Variants in SPTB observed in about 807,000 individuals in gnomAD.
SPTB encodes the protein spectrin beta, erythrocytic.
In SPTB, 45 loss-of-function variants were observed where a neutral mutation model predicts 256.2. That is an observed-to-expected ratio of 0.18 (90% CI 0.14 to 0.23). The LOEUF (loss-of-function observed/expected upper bound fraction) is 0.23. Among genes scored for constraint, SPTB ranks in the 10% least tolerant of loss-of-function variants. SPTB has a pLI of 1.00. For missense variants in SPTB, 2,715 were observed against 3,040.4 expected (o/e 0.89, Z 2.52); for synonymous variants, 1,231 against 1,243.1 (o/e 0.99, Z 0.21).
chr14:64,843,441 A>G (rs1470669538), intron 1 of SPTB, among the ~76,000 whole-genome samples: 1 of 152,104 alleles, frequency 6.6e-6, no homozygotes, highest in Non-Finnish European at 1.5e-5. Context: ...TCACTGGGGA[A>G]AAAAAAACCC....
chr14:64,878,091 G>T (rs997633180), intron 1 of SPTB, among the ~76,000 whole-genome samples: 2 of 152,214 alleles, frequency 1.3e-5, no homozygotes, highest in African/African-American at 4.8e-5. Context: ...AGATCAATAG[G>T]ACTGGCTCAT....
chr14:64,832,298 T>G (rs997754758), intron 1 of SPTB, among the ~76,000 whole-genome samples: 11 of 152,244 alleles, frequency 7.2e-5, no homozygotes, highest in Non-Finnish European at 1.5e-4. Flanking sequence ...CTTATCTTAC[T>G]TAGCATCATT....
chr14:64,874,300 C>T (rs1882701215), intron 1 of SPTB, among the ~76,000 whole-genome samples: 1 of 152,194 alleles, frequency 6.6e-6, no homozygotes, highest in African/African-American at 2.4e-5. Context: ...ATGTTTCCTC[C>T]TGTACACCCT....
rs1490891683 is a variant in SPTB, at chr14:64,826,490, T to G, written c.-51-3345A>C. On this transcript the variant is annotated intron_variant, in intron 1 of 35. Coordinates refer to ENST00000644917, the MANE Select transcript of SPTB (RefSeq NM_001355436.2). This position sits in a 1 kb window ranked among gnomAD's most constrained non-coding sequence, Gnocchi z 4.4. ...TAGAGATGAGATGATCTGGTCTCAT[T>G]TTCAAAGATATAAGTCATCTGCACA... Among the ~76,000 whole-genome samples, 1 of 152,136 alleles carries G rather than the reference T, an allele frequency of 6.6e-6. No homozygotes were observed. The highest frequency in any genetic ancestry group is 1.5e-5 in the Non-Finnish European group (1 of 68,028).
At chr14:64,784,775 G>GA (rs2082535976) in intron 18 of SPTB, among the ~76,000 whole-genome samples, 1 of 152,314 alleles carries the variant, frequency 6.6e-6, no homozygotes, top group East Asian at 1.9e-4. Context: ...ATAAACACAG[G>GA]AAAAAATGTT....
In SPTB at chr14:64,749,430, T is replaced by G. The variant is rs765605676; in HGVS notation, c.6863A>C (p.Asn2288Thr). 10 of 1,604,650 alleles carry G rather than the reference T, an allele frequency of 6.2e-6. No individual in the cohort carries two copies. Among genetic ancestry groups the G allele is most frequent in the Non-Finnish European group, 8.5e-6 (10 of 1,179,182 alleles). The change falls in exon 36 of 36, where the codon AAC becomes ACC. Residue 2288 changes from asparagine (N) to threonine (T), a missense_variant. Transcript: ENST00000644917. This position sits in a 1 kb window ranked among gnomAD's most constrained non-coding sequence, Gnocchi z 4.7. Reference protein sequence around the residue: ...SWLQGVSTAINESQSIRVKAQ... With the variant: ...SWLQGVSTAITESQSIRVKAQ... ...CTTGACGCGGATGCTCTGGGACTCG[T>G]TGATGGCGGTGCTCACGCCCTGCAG...
chr14:64,836,183 G>C (rs1423215598), intron 1 of SPTB, among the ~76,000 whole-genome samples: 2 of 152,204 alleles, frequency 1.3e-5, no homozygotes, highest in Non-Finnish European at 2.9e-5. Context: ...CTAGAGGATG[G>C]GGCCATAAGG....
Position 64,771,272 on chromosome 14 carries a change from T to A in SPTB, c.5554-143A>T, listed in dbSNP as rs1208592527. On this transcript the variant is annotated intron_variant, in intron 26 of 35. Coordinates refer to ENST00000644917, the MANE Select transcript of SPTB (RefSeq NM_001355436.2). ...GGTAGGATCTTCAGCCTCCACCCAG[T>A]GGGTGCTGTAGGAGAAGACTCCTTG... 7 of 1,313,736 alleles carry A rather than the reference T, an allele frequency of 5.3e-6. No homozygotes were observed. In the African/African-American group the frequency reaches 5.8e-5, roughly 11 times the overall value. The allele number at this position is 1,313,736 out of a possible 1,614,324, so 81.4% of individuals were successfully genotyped here.
intron 32 of SPTB, among the ~76,000 whole-genome samples, chr14:64,765,017 A>AGTGTGTGTGTGTGTGT (rs749379191): frequency 0.061 from 6,654 of 108,232 alleles, 200 homozygotes; most frequent in Non-Finnish European, 0.07. Flanking sequence ...GCCACAGAGG[A>AGTGTGTGTGTGTGTGT]GTGTGTGCGT....
chr14:64,829,940 C>T (rs1302448054), intron 1 of SPTB, among the ~76,000 whole-genome samples: 6 of 152,060 alleles, frequency 3.9e-5, no homozygotes, highest in Non-Finnish European at 7.3e-5. Context: ...GGGTCTTGTG[C>T]ATGCCATGCC....
Position 64,779,789 on chromosome 14 carries a change from C to T in SPTB, c.4409G>A (p.Arg1470Lys). 1.9e-6 allele frequency: 3 copies of T among 1,614,150 alleles called. No homozygotes were observed. Among genetic ancestry groups the T allele is most frequent in the African/African-American group, 2.7e-5 (2 of 75,026 alleles). The change falls in exon 21 of 36, where the codon AGG (arginine) becomes AAG (lysine). Residue 1470 changes from arginine (R) to lysine (K), a missense_variant. By Grantham distance (26) the Arg-to-Lys change is conservative. Transcript: ENST00000644917. The surrounding 1 kb of genome is among the most constrained non-coding windows in gnomAD (Gnocchi z 4.2). ...FLDLLEPLGR[R>K]KKQLESSRAK... is the part of the protein sequence containing the mutation. ...TCTGGATGATTCCAGCTGCTTCTTC[C>T]TCCTTCCTAGGGGTTCCAGGAGGTC...
chr14:64,774,526 T>A lies in SPTB; in HGVS notation c.4844A>T (p.Asp1615Val). 6.4e-7 allele frequency: 1 copy of A among 1,553,218 alleles called. No individual in the cohort carries two copies. The highest frequency in any genetic ancestry group is 8.7e-7 in the Non-Finnish European group (1 of 1,148,020). The change falls in exon 24 of 36, where the codon GAT becomes GTT. Residue 1615 changes from aspartate (D) to valine (V), a missense_variant and splice_region_variant. Physicochemically the swap from Asp to Val is radical, Grantham distance 152. Around this residue, in one of 4 missense-constraint regions of SPTB, gnomAD observed 2,239 missense variants for 2,384.4 expected, o/e 0.94. Transcript: ENST00000644917. ...CAGCATCACAATGGCGCCCTCTTCATCCTAGGAGGCAGCAGACGGTCAGCG... is the reference window on the plus strand; with the variant it reads ...CAGCATCACAATGGCGCCCTCTTCAACCTAGGAGGCAGCAGACGGTCAGCG... ...LYVISDEIPK[D>V]EEGAIVMLKR...
At position 64,806,011 on chromosome 14, in the gene SPTB, G is replaced by C. The variant is rs2082976470; in HGVS notation, c.149-921C>G. ...TGGCCCATGCTGTACCAGTTCAGGTGGGGTACTTCTTACTGCCTCTGTACA... is the reference window on the plus strand; with the variant it reads ...TGGCCCATGCTGTACCAGTTCAGGTCGGGTACTTCTTACTGCCTCTGTACA... On this transcript the variant is annotated intron_variant, in intron 2 of 35. Coordinates refer to ENST00000644917, the MANE Select transcript of SPTB (RefSeq NM_001355436.2). This position sits in a 1 kb window ranked among gnomAD's most constrained non-coding sequence, Gnocchi z 4.1. 6.6e-6 allele frequency among the ~76,000 whole-genome samples: 1 copy of C among 152,204 alleles called. No homozygotes were observed. The highest frequency in any genetic ancestry group is 2.4e-5 in the African/African-American group (1 of 41,530).
At chr14:64,856,733 T>C (rs1233518261) in intron 1 of SPTB, among the ~76,000 whole-genome samples, 1 of 152,232 alleles carries the variant, frequency 6.6e-6, no homozygotes, top group Non-Finnish European at 1.5e-5. Context: ...GCTCAGAAAC[T>C]CTCAAGGGAG....
intron 33 of SPTB, among the ~76,000 whole-genome samples, chr14:64,753,230 A>G (rs1293432599): frequency 6.6e-6 from 1 of 152,230 alleles, no homozygotes; most frequent in African/African-American, 2.4e-5. Context: ...TGCCAGGAAC[A>G]GTATCTGTAG....
At chr14:64,830,885 C>T (rs928082302) in intron 1 of SPTB, among the ~76,000 whole-genome samples, 1 of 152,190 alleles carries the variant, frequency 6.6e-6, no homozygotes, top group Non-Finnish European at 1.5e-5. Flanking sequence ...GCCTTGACAA[C>T]TTTATTTATG....
At position 64,806,313 on chromosome 14, in the gene SPTB, G is replaced by C. The variant is rs57329695; in HGVS notation, c.149-1223C>G. Among the ~76,000 whole-genome samples the C allele has an allele frequency of 0.055, 8,303 of 152,254 alleles. 814 individuals are homozygous for C. Among genetic ancestry groups the C allele is most frequent in the African/African-American group, 0.19 (7,835 of 41,504 alleles). ...CACTTAGGTTTGAAGATTCAGGGAA[G>C]GAGGTGACTTGGCAGTGAGGCTGGG... On this transcript the variant is annotated intron_variant, in intron 2 of 35. Transcript: ENST00000644917. This position sits in a 1 kb window ranked among gnomAD's most constrained non-coding sequence, Gnocchi z 4.1.
Position 64,784,319 on chromosome 14 carries a change from A to T in SPTB, c.3930T>A (p.Asn1310Lys), listed in dbSNP as rs759195991. 100 of 1,614,088 alleles carry T rather than the reference A, an allele frequency of 6.2e-5. No individual in the cohort carries two copies. The highest frequency in any genetic ancestry group is 8.5e-5 in the Non-Finnish European group (100 of 1,180,044). The part of the protein sequence containing the change: ...VSYDEARNLH[N>K]KWLKHQAFVA... ...CAAACGCCTGGTGCTTTAGCCATTT[A>T]TTGTGAAGGTTTCGTGCTTCATCAT... Residue 1310 changes from asparagine (N) to lysine (K), a missense_variant, in exon 19 of 36, where the codon AAT becomes AAA. Coordinates refer to ENST00000644917, the MANE Select transcript of SPTB (RefSeq NM_001355436.2).
intron 1 of SPTB, among the ~76,000 whole-genome samples, chr14:64,867,092 T>C (rs1882228828): frequency 6.6e-6 from 1 of 152,198 alleles, no homozygotes; most frequent in African/African-American, 2.4e-5. Context: ...CCGTTACTTG[T>C]TCCTCCGATA....
Sources: allele counts gnomAD v4.1 joint callset (sites outside exome capture counted in the v4.1 genomes callset), GRCh38; gene constraint gnomAD v4.1.1; regional missense constraint gnomAD v4.1.1; non-coding constraint Gnocchi (gnomAD v3.1); transcripts MANE v1.5; gene names NCBI Gene and HGNC (gene_info 2026-07-23, HGNC 2026-07-21).